Variants in CCDC85C observed in about 807,000 individuals in gnomAD.
CCDC85C encodes coiled-coil domain-containing protein 85C.
A neutral mutation model predicts 38.3 loss-of-function variants in CCDC85C; 18 were observed. The ratio of observed to expected loss-of-function variants is 0.47; its 90% CI spans 0.33 to 0.70. The LOEUF (loss-of-function observed/expected upper bound fraction) is 0.70. Among genes scored for constraint, CCDC85C ranks in the 30% least tolerant of loss-of-function variants. The pLI is 0.03. For synonymous variants in CCDC85C, 264 were observed against 293.8 expected, an observed-to-expected ratio of 0.90 and a Z score of 1.04; for missense variants, 566 against 621.2, an observed-to-expected ratio of 0.91 and a Z score of 0.94.
chr14:99,534,242 C>A (rs1207236740), intron 2 of CCDC85C, among the ~76,000 whole-genome samples: 2 of 151,966 alleles, frequency 1.3e-5, no homozygotes, highest in Non-Finnish European at 2.9e-5. Context: ...GTAGTCCCAG[C>A]TACTCAGGAG....
Position 99,506,024 on chromosome 14 carries a change from G to A in CCDC85C, c.*9222C>T, listed in dbSNP as rs1896964509. ...AGAGTAATAGCAGTTATAGGATACA[G>A]AGGCAAAAGGTAGAGTGTGAGGTGC... On this transcript the variant is annotated 3_prime_UTR_variant, in exon 6 of 6. Transcript: ENST00000380243. 1 of 151,370 alleles carries A rather than the reference G, an allele frequency of 6.6e-6. No individual in the cohort carries two copies. The highest frequency in any genetic ancestry group is 6.5e-5 in the Admixed American group (1 of 15,274). 9.4% of individuals were successfully genotyped at this position (151,370 alleles called of 1,614,324 possible).
At chr14:99,580,049 G>T (rs755612612) in intron 1 of CCDC85C, 13 of 455,554 alleles carry the variant, frequency 2.9e-5, no homozygotes, top group Non-Finnish European at 4.4e-5. Context: ...GGCAGGGCTG[G>T]CCCCTTCCTC....
At chr14:99,585,703 G>A (rs574497883) in intron 1 of CCDC85C, among the ~76,000 whole-genome samples, 20 of 152,326 alleles carry the variant, frequency 1.3e-4, no homozygotes, top group African/African-American at 3.1e-4. Context: ...GTCGGAGATC[G>A]CACGGGTGGA....
intron 2 of CCDC85C, among the ~76,000 whole-genome samples, chr14:99,529,696 G>A (rs545228553): frequency 1.2e-3 from 184 of 152,364 alleles, no homozygotes; most frequent in African/African-American, 4.2e-3. Flanking sequence ...GAGCCACTGC[G>A]CCCAGCTGAG....
chr14:99,549,523 A>G (rs1019158330), intron 1 of CCDC85C, among the ~76,000 whole-genome samples: 6 of 152,178 alleles, frequency 3.9e-5, no homozygotes, highest in Admixed American at 3.9e-4. Context: ...CTGCTCTGTG[A>G]CCTTGGACAA....
intron 3 of CCDC85C, among the ~76,000 whole-genome samples, chr14:99,518,651 C>G (rs1897261715): frequency 6.6e-6 from 1 of 152,196 alleles, no homozygotes; most frequent in African/African-American, 2.4e-5. Flanking sequence ...CTACACCTTC[C>G]TGCACCTTCC....
At chr14:99,580,004 C>G in intron 1 of CCDC85C, 1 of 455,208 alleles carries the variant, frequency 2.2e-6, no homozygotes, top group South Asian at 1.6e-5. Flanking sequence ...ATGACAAACC[C>G]CACATACCCC....
Position 99,510,882 on chromosome 14 carries a change from C to T in CCDC85C, c.*4364G>A, listed in dbSNP as rs539655114. ...GCAGCAGGGTACCTTGTATAATGCA[C>T]GACAGTTGCAGTATGGGAAGAATGG... On this transcript the variant is annotated 3_prime_UTR_variant, in exon 6 of 6. Transcript: ENST00000380243. The T allele has an allele frequency of 3.3e-4, 345 of 1,035,836 alleles. 2 individuals carry two copies. The highest frequency in any genetic ancestry group is 2.3e-4 in the Admixed American group (6 of 26,616). The allele number at this position is 1,035,836 out of a possible 1,614,324, so 64.2% of individuals were successfully genotyped here.
chr14:99,589,297 C>T (rs990073572), intron 1 of CCDC85C, among the ~76,000 whole-genome samples: 21 of 152,254 alleles, frequency 1.4e-4, no homozygotes, highest in Admixed American at 1.2e-3. Context: ...ACAGCCAGGA[C>T]GGCTGGGCGC....
At chr14:99,599,591 C>T (rs945038013) in intron 1 of CCDC85C, among the ~76,000 whole-genome samples, 4 of 152,200 alleles carry the variant, frequency 2.6e-5, no homozygotes, top group African/African-American at 9.6e-5. Context: ...GACCAGACCT[C>T]TACCAAAGGC....
At chr14:99,573,526 T>A (rs1898404375) in intron 1 of CCDC85C, among the ~76,000 whole-genome samples, 1 of 152,156 alleles carries the variant, frequency 6.6e-6, no homozygotes, top group African/African-American at 2.4e-5. Context: ...AGTCTCCCCA[T>A]GGAGGTGCTG....
At chr14:99,602,418 C>T (rs1349002803) in intron 1 of CCDC85C, among the ~76,000 whole-genome samples, 1 of 152,236 alleles carries the variant, frequency 6.6e-6, no homozygotes, top group Non-Finnish European at 1.5e-5. Context: ...GTTTATAAAT[C>T]CCTTCAGAAG....
rs2139918396 is a variant in CCDC85C, at chr14:99,536,044, G to T, written c.838C>A (p.Leu280Met). 1 of 1,551,566 alleles carries T rather than the reference G, an allele frequency of 6.4e-7. No individual in the cohort carries two copies. The highest frequency in any genetic ancestry group is 8.7e-7 in the Non-Finnish European group (1 of 1,146,916). ...YIRQLESKVR[L>M]LEGDKLLAQQ... ...GCGAGGAGCTTGTCACCCTCCAGCA[G>T]CCTCACTTTGCTCTCCAGTTGCCTG... Residue 280 changes from leucine to methionine, a missense_variant, in exon 2 of 6, where the codon CTG becomes ATG. Leu to Met is a conservative substitution (Grantham distance 15, BLOSUM62 2). This residue lies in a region of CCDC85C where 286 missense variants were observed against 276.4 expected (regional missense o/e 1.03). Transcript: ENST00000380243.
In CCDC85C at chr14:99,569,251, C is replaced by T. The variant is rs1396460728; in HGVS notation, c.794-33163G>A. 4.6e-5 allele frequency among the ~76,000 whole-genome samples: 7 copies of T among 152,192 alleles called. No homozygotes were observed. The highest frequency in any genetic ancestry group is 3.9e-4 in the Admixed American group (6 of 15,288). On this transcript the variant is annotated intron_variant, in intron 1 of 5. Transcript: ENST00000380243. The surrounding 1 kb of genome is among the most constrained non-coding windows in gnomAD (Gnocchi z 4.3). ...AACTCCCAGGGGTGGCCCTCCAGTACGAAGGCTGAAAACAAGGAACCAAGA... is the reference window on the plus strand; with the variant it reads ...AACTCCCAGGGGTGGCCCTCCAGTATGAAGGCTGAAAACAAGGAACCAAGA...
chr14:99,603,367 C>A lies in CCDC85C; in HGVS notation c.593G>T (p.Gly198Val). 1 of 1,258,958 alleles carries A rather than the reference C, an allele frequency of 7.9e-7. No individual in the cohort carries two copies. Among genetic ancestry groups the A allele is most frequent in the Non-Finnish European group, 1.0e-6 (1 of 1,004,384 alleles). 78.0% of individuals were successfully genotyped at this position (1,258,958 alleles called of 1,614,324 possible). Residue 198 changes from glycine (G) to valine (V), a missense_variant, in exon 1 of 6, where the codon GGG becomes GTG. By Grantham distance (109) the Gly-to-Val change is moderately radical. Coordinates refer to ENST00000380243, the MANE Select transcript of CCDC85C (RefSeq NM_001144995.2). The surrounding 1 kb of genome is among the most constrained non-coding windows in gnomAD (Gnocchi z 7.5). Reference sequence around the variant, plus strand: ...GCTGCCGTCGCCCACGTCGCGGGCCCCCGCGCCGGGCGCGCCACCCGACAG... The same window carrying A: ...GCTGCCGTCGCCCACGTCGCGGGCCACCGCGCCGGGCGCGCCACCCGACAG... Reference protein sequence around the residue: ...GPLSGGAPGAGARDVGDGSST... With the variant: ...GPLSGGAPGAVARDVGDGSST...
intron 1 of CCDC85C, among the ~76,000 whole-genome samples, chr14:99,552,280 C>T (rs751917760): frequency 5.3e-5 from 8 of 152,244 alleles, no homozygotes; most frequent in Non-Finnish European, 7.3e-5. Context: ...TCCTGCCCTA[C>T]GGCCCAAGCA....
rs2021920 is a variant in CCDC85C at position 99,576,537 on chromosome 14, G to T, written c.793+26630C>A. 12,100 of 152,282 alleles carry T rather than the reference G, an allele frequency of 0.079. 775 individuals are homozygous for T. The highest frequency in any genetic ancestry group is 0.18 in the African/African-American group (7,321 of 41,486). 9.4% of individuals were successfully genotyped at this position (152,282 alleles called of 1,614,324 possible). On this transcript the variant is annotated intron_variant, in intron 1 of 5. Coordinates refer to ENST00000380243, the MANE Select transcript of CCDC85C (RefSeq NM_001144995.2). This position sits in a 1 kb window ranked among gnomAD's most constrained non-coding sequence, Gnocchi z 4.8. ...GAACCACACCAGTGGGACCTGCCTCGCTGGTCCAGCAGCTTAGCTGAGAAC... is the reference window on the plus strand; with the variant it reads ...GAACCACACCAGTGGGACCTGCCTCTCTGGTCCAGCAGCTTAGCTGAGAAC...
At position 99,548,208 on chromosome 14, in the gene CCDC85C, C is replaced by G. The variant is rs1897842279; in HGVS notation, c.794-12120G>C. 6.6e-6 allele frequency among the ~76,000 whole-genome samples: 1 copy of G among 152,004 alleles called. No individual in the cohort carries two copies. Among genetic ancestry groups the G allele is most frequent in the Non-Finnish European group, 1.5e-5 (1 of 67,988 alleles). On this transcript the variant is annotated intron_variant, in intron 1 of 5. Coordinates refer to ENST00000380243, the MANE Select transcript of CCDC85C (RefSeq NM_001144995.2). This position sits in a 1 kb window ranked among gnomAD's most constrained non-coding sequence, Gnocchi z 4.9. ...AGATAAAGGATCATACCCAGAATCC[C>G]TAACATCAATAAGGAAATACATGGG...
chr14:99,515,601 G>A (rs556693950), intron 5 of CCDC85C, among the ~76,000 whole-genome samples: 16 of 152,244 alleles, frequency 1.1e-4, no homozygotes, highest in East Asian at 5.8e-4. Flanking sequence ...TAGGTGATGC[G>A]GGGGAGGGGC....
Sources: allele counts gnomAD v4.1 joint callset (sites outside exome capture counted in the v4.1 genomes callset), GRCh38; gene constraint gnomAD v4.1.1; regional missense constraint gnomAD v4.1.1; non-coding constraint Gnocchi (gnomAD v3.1); transcripts MANE v1.5; gene names NCBI Gene and HGNC (gene_info 2026-07-23, HGNC 2026-07-21).